The following MARVELD3 variants were observed in gnomAD, a reference collection of about 807,000 sequenced individuals.
MARVELD3 encodes MARVEL domain containing 3, also known as MARVEL domain-containing protein 3.
MARVELD3 carries 28 observed loss-of-function variants against 33.5 expected under a neutral mutation model. The ratio of observed to expected loss-of-function variants is 0.84; its 90% CI spans 0.62 to 1.15. The LOEUF is 1.15. Among genes scored for constraint, MARVELD3 ranks in the 50% most tolerant of loss-of-function variants. The probability of loss-of-function intolerance (pLI) is 0.00; values close to 1 mark genes in which losing one functional copy is unlikely to be tolerated. For missense variants in MARVELD3, 582 were observed against 547.6 expected, an observed-to-expected ratio of 1.06 and a Z score of -0.63; for synonymous variants, 241 against 230.4, an observed-to-expected ratio of 1.05 and a Z score of -0.42.
rs146052424 is a variant in MARVELD3 at position 71,627,932 on chromosome 16, G to C, written c.467+1236G>C. Among the ~76,000 whole-genome samples the C allele has an allele frequency of 4.6e-5, 7 of 152,330 alleles. No homozygotes were observed. The East Asian group carries it at 1.2e-3, about 25-fold the overall frequency. ...CCCTGCCAGCTCCAACAGGAGACAG[G>C]TCCGAGGTGACGACTGCTTCTGGTT... On this transcript the variant is annotated intron_variant, in intron 1 of 2. Coordinates refer to ENST00000268485, the MANE Select transcript of MARVELD3 (RefSeq NM_052858.6).
In MARVELD3 at chr16:71,634,141, C is replaced by G. The variant is rs1597077215; in HGVS notation, c.596-52C>G. The G allele has an allele frequency of 1.9e-6, 3 of 1,556,558 alleles. No individual in the cohort carries two copies. The East Asian group carries it at 6.8e-5, about 35-fold the overall frequency. ...GAAGGTGGGCCTCAGGTGGAAGAGT[C>G]TCCTGGTGCCAAACAGCATCACTCA... On this transcript the variant is annotated intron_variant, in intron 2 of 2. Coordinates refer to ENST00000268485, the MANE Select transcript of MARVELD3 (RefSeq NM_052858.6).
At position 71,634,649 on chromosome 16, in the gene MARVELD3, G is replaced by A. The variant is rs116978477; in HGVS notation, c.1052G>A (p.Gly351Asp). 597 of 1,614,220 alleles carry A rather than the reference G, an allele frequency of 3.7e-4. 12 individuals carry two copies. The East Asian group carries it at 1.0e-2, about 27-fold the overall frequency. The part of the protein sequence containing the change: ...QALYQSKGYS[G>D]FGCSFHGADI... ...CTGTACCAAAGCAAAGGCTACAGCG[G>A]TTTCGGCTGCAGTTTCCACGGAGCA... Residue 351 changes from glycine to aspartate, a missense_variant, in exon 3 of 3, where the codon GGT becomes GAT. Gly to Asp is a moderately conservative substitution (Grantham distance 94, BLOSUM62 -1). Transcript: ENST00000268485.
In MARVELD3 at chr16:71,634,675, G is replaced by GAT; in HGVS notation, c.1082_1083dup (p.Gly362Ter). On this transcript the variant is annotated frameshift_variant, in exon 3 of 3. Coordinates refer to ENST00000268485, the MANE Select transcript of MARVELD3 (RefSeq NM_052858.6). LOFTEE classifies it high-confidence loss of function. ...TTTCGGCTGCAGTTTCCACGGAGCA[G>GAT]ATATAGGAGCTGGAATCTTTGCTGC... 3.1e-6 allele frequency: 5 copies of GAT among 1,614,228 alleles called. No homozygotes were observed. Among genetic ancestry groups the GAT allele is most frequent in the Non-Finnish European group, 3.4e-6 (4 of 1,180,044 alleles).
downstream of MARVELD3, chr16:71,640,973 A>G (rs367583136): frequency 3.7e-6 from 6 of 1,613,514 alleles, no homozygotes; most frequent in African/African-American, 6.7e-5. Context: ...GCAGCCGAGA[A>G]CAGCCCGGAA....
intron 2 of MARVELD3, among the ~76,000 whole-genome samples, chr16:71,632,877 G>A (rs2145278827): frequency 6.6e-6 from 1 of 152,038 alleles, no homozygotes; most frequent in African/African-American, 2.4e-5. Flanking sequence ...CTCCCAAAAT[G>A]CTGGGATTAC....
At chr16:71,630,270 C>T (rs983061564) in intron 2 of MARVELD3, among the ~76,000 whole-genome samples, 2 of 151,256 alleles carry the variant, frequency 1.3e-5, no homozygotes, top group African/African-American at 4.9e-5. Flanking sequence ...CACGTCACTG[C>T]ACTCCAGCCT....
rs1323103778 is a variant in MARVELD3, at chr16:71,634,356, G to A, written c.759G>A (p.Glu253=). The change falls in exon 3 of 3, where the codon GAG becomes GAA. Residue 253 remains glutamate (E), a synonymous_variant. Transcript: ENST00000268485. ...GTGGCTTTGATGGTGCTGACGGGGAGAAGGCCCAGCAACTGGATGTCCAGT... is the reference window on the plus strand; with the variant it reads ...GTGGCTTTGATGGTGCTGACGGGGAAAAGGCCCAGCAACTGGATGTCCAGT... ...AYSGFDGADG[E]KAQQLDVQFY... is the part of the protein sequence containing the mutation. 6.2e-7 allele frequency: 1 copy of A among 1,614,064 alleles called. No homozygotes were observed. Among genetic ancestry groups the A allele is most frequent in the Non-Finnish European group, 8.5e-7 (1 of 1,180,042 alleles).
At chr16:71,632,760 C>T (rs889776387) in intron 2 of MARVELD3, among the ~76,000 whole-genome samples, 1 of 151,778 alleles carries the variant, frequency 6.6e-6, no homozygotes, top group Non-Finnish European at 1.5e-5. Flanking sequence ...TACAGGCATG[C>T]ACCACCACAC....
downstream of MARVELD3, chr16:71,640,248 CAG>C (rs2044607215): frequency 4.3e-6 from 4 of 923,592 alleles, no homozygotes; most frequent in Admixed American, 2.7e-5. Flanking sequence ...GCCTGGATGA[CAG>C]AGTGACACCG....
intron 1 of MARVELD3, 163 bp from the exon 2 acceptor site, chr16:71,629,204 T>C (rs1382784723): frequency 2.7e-6 from 2 of 728,856 alleles, no homozygotes; most frequent in African/African-American, 3.8e-5. Context: ...GGATGTCCCG[T>C]GGGGCCACTA....
chr16:71,640,184 G>A (rs993904428), downstream of MARVELD3, among the ~76,000 whole-genome samples: 3 of 151,520 alleles, frequency 2.0e-5, no homozygotes, highest in Admixed American at 1.3e-4. Flanking sequence ...CAGGAGAATC[G>A]CTTGAAGCCA....
downstream of MARVELD3, chr16:71,638,843 T>G (rs937785853): frequency 5.9e-5 from 9 of 151,868 alleles, no homozygotes; most frequent in Non-Finnish European, 1.0e-4. Flanking sequence ...TGTGTAGATT[T>G]GTGTGAGCAG....
chr16:71,637,019 C>A (rs972682176), downstream of MARVELD3, among the ~76,000 whole-genome samples: 1 of 152,150 alleles, frequency 6.6e-6, no homozygotes, highest in Non-Finnish European at 1.5e-5. Context: ...TAGCTCTGCT[C>A]GCCACCCTTT....
intron 2 of MARVELD3, among the ~76,000 whole-genome samples, chr16:71,630,740 C>T (rs1035451900): frequency 1.3e-5 from 2 of 152,004 alleles, no homozygotes; most frequent in Non-Finnish European, 2.9e-5. Context: ...TTCACACACA[C>T]ACAGAAACAA....
At chr16:71,627,659 A>G (rs1337055550) in intron 1 of MARVELD3, among the ~76,000 whole-genome samples, 2 of 151,352 alleles carry the variant, frequency 1.3e-5, no homozygotes, top group African/African-American at 2.4e-5. Context: ...GCTGCTTGAG[A>G]CCGCACCCTC....
chr16:71,641,036 G>A (rs79422919), downstream of MARVELD3: 18 of 1,591,542 alleles, frequency 1.1e-5, no homozygotes, highest in South Asian at 7.8e-5. Flanking sequence ...GAGATCTTCC[G>A]GAACCTAAAT....
At chr16:71,640,866 G>A (rs751701787), downstream of MARVELD3, 37 of 1,614,044 alleles carry the variant, frequency 2.3e-5, no homozygotes, top group South Asian at 5.5e-5. Flanking sequence ...AGGCACCGAC[G>A]GAGCAGCAGC....
At chr16:71,638,527 T>A (rs145683200), downstream of MARVELD3, 2 of 152,546 alleles carry the variant, frequency 1.3e-5, no homozygotes, top group African/African-American at 4.8e-5. Flanking sequence ...GACAATTATA[T>A]TGAAACCAAT....
chr16:71,626,491 G>A lies in MARVELD3; in HGVS notation c.262G>A (p.Gly88Ser), dbSNP rs372441129. The change falls in exon 1 of 3, where the codon GGC becomes AGC. Residue 88 changes from glycine (G) to serine (S), a missense_variant. Transcript: ENST00000268485. This position sits in a 1 kb window ranked among gnomAD's most constrained non-coding sequence, Gnocchi z 5.3. ...AGAGAGGGAAAGAGACCCGGACCGA[G>A]GCCCCCGCCGGGACACACACAGGGA... is the stretch of plus-strand genomic sequence containing the variant. ...ERERERDPDR[G>S]PRRDTHRDAG... 1.9e-6 allele frequency: 3 copies of A among 1,549,732 alleles called. No individual in the cohort carries two copies. Among genetic ancestry groups the A allele is most frequent in the African/African-American group, 1.4e-5 (1 of 73,128 alleles).
Sources: allele counts gnomAD v4.1 joint callset (sites outside exome capture counted in the v4.1 genomes callset), GRCh38; gene constraint gnomAD v4.1.1; non-coding constraint Gnocchi (gnomAD v3.1); transcripts MANE v1.5; gene names NCBI Gene and HGNC (gene_info 2026-07-23, HGNC 2026-07-21).